Variants in MAPK8 observed in about 807,000 individuals in gnomAD.
The protein encoded by MAPK8 is mitogen-activated protein kinase 8, also known as JUN N-terminal kinase.
MAPK8 carries 13 observed loss-of-function variants against 52.9 expected under a neutral mutation model. That is an observed-to-expected ratio of 0.25 (90% confidence interval 0.16 to 0.39). MAPK8 has a LOEUF of 0.39. Ranked by LOEUF, MAPK8 falls within the 10% of genes least tolerant of loss-of-function variation. The pLI is 1.00. For missense variants in MAPK8, 300 were observed against 519.2 expected (o/e 0.58, Z 4.10); for synonymous variants, 191 against 169.8 (o/e 1.12, Z -0.97).
intron 5 of MAPK8, among the ~76,000 whole-genome samples, chr10:48,414,413 T>C (rs2042946536): frequency 6.6e-6 from 1 of 150,590 alleles, no homozygotes; most frequent in African/African-American, 2.4e-5. Flanking sequence ...GTATTTTAGT[T>C]AAATCTAGCT....
chr10:48,336,828 T>A (rs1175729386), intron 1 of MAPK8, among the ~76,000 whole-genome samples: 2 of 152,142 alleles, frequency 1.3e-5, no homozygotes, highest in African/African-American at 4.8e-5. Flanking sequence ...GAGAAGGTGT[T>A]GCTATTGTTG....
chr10:48,320,532 G>C (rs1227658112), intron 1 of MAPK8, among the ~76,000 whole-genome samples: 2 of 152,020 alleles, frequency 1.3e-5, no homozygotes, highest in Admixed American at 6.6e-5. Flanking sequence ...GAACCACAGT[G>C]CCTGACCTTC....
chr10:48,332,984 G>A (rs1267256326), intron 1 of MAPK8, among the ~76,000 whole-genome samples: 1 of 152,166 alleles, frequency 6.6e-6, no homozygotes, highest in African/African-American at 2.4e-5. Flanking sequence ...CACATAAGGA[G>A]TGTTTATTTC....
rs550289193 is a variant in MAPK8, at chr10:48,437,033, G to C, written c.*2004G>C. On this transcript the variant is annotated 3_prime_UTR_variant, in exon 12 of 12. Transcript: ENST00000374189. ...CAGAAGGTTCTCATATTTTATGTTT[G>C]ATTGCTGATAAGCCATCTCTATTGA... 1 of 152,238 alleles carries C rather than the reference G, an allele frequency of 6.6e-6. No individual in the cohort carries two copies. Among genetic ancestry groups the C allele is most frequent in the South Asian group, 2.1e-4 (1 of 4,822 alleles). 9.4% of individuals were successfully genotyped at this position (152,238 alleles called of 1,614,324 possible). A position where few individuals can be genotyped will look rare whatever the true frequency, so the allele number is the denominator to read the frequency against.
At chr10:48,434,548 A>C (rs4838590) in intron 11 of MAPK8, among the ~76,000 whole-genome samples, 76,605 of 152,022 alleles carry the variant, frequency 0.5, 19,910 homozygotes, top group Middle Eastern at 0.72. Flanking sequence ...ATGTATTATC[A>C]GCAGTATTCA....
chr10:48,308,528 A>T (rs1000366235), intron 1 of MAPK8, among the ~76,000 whole-genome samples: 5 of 152,216 alleles, frequency 3.3e-5, no homozygotes, highest in Admixed American at 2.0e-4. Flanking sequence ...TATTTTTTTA[A>T]TATGATAAAT....
chr10:48,346,249 C>T (rs1845759964), intron 1 of MAPK8, among the ~76,000 whole-genome samples: 2 of 152,282 alleles, frequency 1.3e-5, no homozygotes, highest in Middle Eastern at 6.8e-3. Flanking sequence ...ATATGAATAT[C>T]ATTAATCATT....
intron 1 of MAPK8, among the ~76,000 whole-genome samples, chr10:48,339,787 A>G (rs1015194212): frequency 3.3e-5 from 5 of 152,218 alleles, no homozygotes; most frequent in Non-Finnish European, 5.9e-5. Flanking sequence ...CGAGTGGCGA[A>G]AAAAGGTGAA....
At position 48,411,373 on chromosome 10, in the gene MAPK8, CTT is replaced by C. The variant is rs1239297838; in HGVS notation, c.450+1206_450+1207del. ...CCAGCACCATTTGTTAGAGACTACT[CTT>C]AACCCATTGAATGGTCTTGGCACCC... is the stretch of plus-strand genomic sequence containing the variant. On this transcript the variant is annotated intron_variant, in intron 5 of 11. Coordinates refer to ENST00000374189, the MANE Select transcript of MAPK8 (RefSeq NM_001323329.2). Among the ~76,000 whole-genome samples the C allele has an allele frequency of 2.0e-5, 3 of 152,324 alleles. No homozygotes were observed. The East Asian group carries it at 5.8e-4, about 29-fold the overall frequency.
intron 1 of MAPK8, among the ~76,000 whole-genome samples, chr10:48,387,907 AAGTTAGTGTGT>A (rs1236708341): frequency 2.6e-5 from 4 of 152,130 alleles, no homozygotes; most frequent in African/African-American, 9.7e-5. Context: ...CTCGAGTCTA[AAGTTAGTGTGT>A]AAAGCCAAAG....
intron 11 of MAPK8, among the ~76,000 whole-genome samples, chr10:48,433,012 T>G (rs1344084173): frequency 6.6e-6 from 1 of 152,246 alleles, no homozygotes; most frequent in Non-Finnish European, 1.5e-5. Context: ...TTTATTCTTT[T>G]TCCCTGTCGA....
chr10:48,423,572 A>G (rs1208335644), intron 6 of MAPK8, among the ~76,000 whole-genome samples: 1 of 152,216 alleles, frequency 6.6e-6, no homozygotes, highest in African/African-American at 2.4e-5. Context: ...TAAAAATTCC[A>G]AAGAGCTTTA....
At chr10:48,408,778 T>G (rs1043068720) in intron 3 of MAPK8, among the ~76,000 whole-genome samples, 4 of 152,168 alleles carry the variant, frequency 2.6e-5, no homozygotes, top group Non-Finnish European at 5.9e-5. Context: ...CAACAGAGAT[T>G]TATTTCTCAC....
chr10:48,354,598 CTT>C (rs768141697), intron 1 of MAPK8, among the ~76,000 whole-genome samples: 4 of 152,126 alleles, frequency 2.6e-5, no homozygotes, highest in Non-Finnish European at 4.4e-5. Flanking sequence ...TGGGGTGAGA[CTT>C]TTAAAATTTG....
At chr10:48,406,269 G>C (rs2042466602) in intron 3 of MAPK8, among the ~76,000 whole-genome samples, 1 of 152,246 alleles carries the variant, frequency 6.6e-6, no homozygotes, top group Non-Finnish European at 1.5e-5. Context: ...GCGGGAACTT[G>C]ATGTGTTGCT....
intron 6 of MAPK8, among the ~76,000 whole-genome samples, chr10:48,423,102 T>C (rs192818836): frequency 3.2e-4 from 49 of 152,308 alleles, no homozygotes; most frequent in African/African-American, 1.2e-3. Context: ...GCACTTACTC[T>C]CTCCTTTTTG....
intron 1 of MAPK8, among the ~76,000 whole-genome samples, chr10:48,331,424 T>G (rs941182471): frequency 6.6e-6 from 1 of 152,190 alleles, no homozygotes; most frequent in Non-Finnish European, 1.5e-5. Flanking sequence ...CAACCCATGT[T>G]TTCTTTTTAG....
intron 1 of MAPK8, among the ~76,000 whole-genome samples, chr10:48,330,241 G>A (rs752043601): frequency 3.9e-5 from 6 of 152,174 alleles, no homozygotes; most frequent in Non-Finnish European, 7.4e-5. Flanking sequence ...GAGATTTGCA[G>A]CATTGCTTTT....
At chr10:48,350,023 T>TG (rs1846154668) in intron 1 of MAPK8, among the ~76,000 whole-genome samples, 1 of 152,028 alleles carries the variant, frequency 6.6e-6, no homozygotes, top group Non-Finnish European at 1.5e-5. Flanking sequence ...CTAGAAGAAA[T>TG]GGGGAAATTC....
Sources: allele counts gnomAD v4.1 joint callset (sites outside exome capture counted in the v4.1 genomes callset), GRCh38; gene constraint gnomAD v4.1.1; transcripts MANE v1.5; gene names NCBI Gene and HGNC (gene_info 2026-07-23, HGNC 2026-07-21).